UBALD1: variants seen among roughly 807,000 people sequenced by gnomAD.
UBALD1 encodes the protein UBA like domain containing 1, also known as UBA-like domain-containing protein 1.
A neutral mutation model predicts 16.1 loss-of-function variants in UBALD1; 5 were observed. That is an observed-to-expected ratio of 0.31 (90% CI 0.16 to 0.66). UBALD1 has a LOEUF of 0.66. Among genes scored for constraint, UBALD1 ranks in the 30% least tolerant of loss-of-function variants. UBALD1 has a pLI of 0.77. For missense variants in UBALD1, 220 were observed against 252.8 expected, an observed-to-expected ratio of 0.87 and a Z score of 0.88; for synonymous variants, 146 against 105.3, an observed-to-expected ratio of 1.39 and a Z score of -2.37.
chr16:4,613,879 C>G, intron 1 of UBALD1: 1 of 152,380 alleles, frequency 6.6e-6, no homozygotes, highest in East Asian at 1.9e-4. Flanking sequence ...TGCACCCTCC[C>G]CATTGCACCG....
rs770856567 is a variant in UBALD1 at position 4,614,702 on chromosome 16, C to A, written c.96G>T (p.Leu32=). ...GCAADQAKQL[L]QAAHWQFETA... ...CCTCGAACTGCCAGTGGGCCGCCTGCAGCAGTTGCTTCGCCTGGTCGGCCG... is the reference window on the plus strand; with the variant it reads ...CCTCGAACTGCCAGTGGGCCGCCTGAAGCAGTTGCTTCGCCTGGTCGGCCG... The change falls in exon 1 of 3, where the codon CTG becomes CTT. Residue 32 remains leucine (L), a synonymous_variant. Coordinates refer to ENST00000283474, the MANE Select transcript of UBALD1 (RefSeq NM_145253.3). 8 of 1,555,492 alleles carry A rather than the reference C, an allele frequency of 5.1e-6. No homozygotes were observed. The highest frequency in any genetic ancestry group is 6.9e-6 in the Non-Finnish European group (8 of 1,153,610).
At position 4,612,035 on chromosome 16, in the gene UBALD1, CA is replaced by C. The variant is rs1454190873; in HGVS notation, c.121-1481del. On this transcript the variant is annotated intron_variant, in intron 1 of 2. Coordinates refer to ENST00000283474, the MANE Select transcript of UBALD1 (RefSeq NM_145253.3). Reference sequence around the variant, plus strand: ...CTGGCTCCTGGGGCCTGCCCTCGATCAGGGGGTATGGGTGGGAGGCTATTTA... The same window carrying C: ...CTGGCTCCTGGGGCCTGCCCTCGATCGGGGGTATGGGTGGGAGGCTATTTA... 4.0e-5 allele frequency among the ~76,000 whole-genome samples: 6 copies of C among 151,592 alleles called. No individual in the cohort carries two copies. In the East Asian group the frequency reaches 7.8e-4, roughly 20 times the overall value.
chr16:4,610,985 C>T (rs565282648), intron 1 of UBALD1: 8 of 368,678 alleles, frequency 2.2e-5, no homozygotes, highest in South Asian at 2.6e-4. Flanking sequence ...ACCACCTCAA[C>T]GGGTAGCAAG....
intron 1 of UBALD1, chr16:4,611,506 CGGGGCCGT>C (rs1897357590): frequency 6.6e-6 from 1 of 152,552 alleles, no homozygotes; most frequent in East Asian, 1.9e-4. Flanking sequence ...TCCATCCCAG[CGGGGCCGT>C]GGACTGTCAT....
At position 4,609,468 on chromosome 16, in the gene UBALD1, G is replaced by A. The variant is rs1226368191; in HGVS notation, c.*165C>T. ...TGACCTTGCGTGTGGGCAGCTGCGT[G>A]TTCTGGCACCAGACGTGTCCCTGCC... is the stretch of plus-strand genomic sequence containing the variant. On this transcript the variant is annotated 3_prime_UTR_variant, in exon 3 of 3. Coordinates refer to ENST00000283474, the MANE Select transcript of UBALD1 (RefSeq NM_145253.3). 1.5e-5 allele frequency: 6 copies of A among 411,970 alleles called. No individual in the cohort carries two copies. Among genetic ancestry groups the A allele is most frequent in the African/African-American group, 6.2e-5 (3 of 48,728 alleles). 25.5% of individuals were successfully genotyped at this position (411,970 alleles called of 1,614,324 possible). A position where few individuals can be genotyped will look rare whatever the true frequency, so the allele number is the denominator to read the frequency against.
rs111826066 is a variant in UBALD1 at position 4,610,435 on chromosome 16, A to G, written c.183+58T>C. 4.4e-4 allele frequency: 670 copies of G among 1,537,932 alleles called. 5 individuals are homozygous for G. The African/African-American group carries it at 8.2e-3, about 19-fold the overall frequency. The stretch of plus-strand genomic sequence containing the variant: ...CCGGGGCCAGGGGCTGCTTATACAC[A>G]GAACTAGCTCGGCCTCCTTCCGCCC... On this transcript the variant is annotated intron_variant, in intron 2 of 2. Transcript: ENST00000283474.
chr16:4,610,600 C>A (rs1183499276), intron 1 of UBALD1, 45 bp from the exon 2 acceptor site: 1 of 1,581,452 alleles, frequency 6.3e-7, no homozygotes, highest in African/African-American at 1.3e-5. Context: ...CCCCCGCCGG[C>A]CCTGCCGCTG....
chr16:4,610,883 C>T (rs1202122005), intron 1 of UBALD1: 10 of 431,794 alleles, frequency 2.3e-5, no homozygotes, highest in Middle Eastern at 1.2e-3. Flanking sequence ...GCGGGCAGTA[C>T]ACCCCATCCT....
At chr16:4,613,021 G>A (rs1328215837) in intron 1 of UBALD1, among the ~76,000 whole-genome samples, 1 of 124,192 alleles carries the variant, frequency 8.1e-6, no homozygotes, top group Non-Finnish European at 1.9e-5. Context: ...GTGCCAGCTG[G>A]GTGCCAGGTT....
chr16:4,612,753 C>A lies in UBALD1; in HGVS notation c.120+1925G>T, dbSNP rs138746335. On this transcript the variant is annotated intron_variant, in intron 1 of 2. Transcript: ENST00000283474. ...TGGAGCGTGGAGAGGGATGGGGTGG[C>A]CATGTGAACCCCTCACTCAGCCCCA... 2.4e-3 allele frequency among the ~76,000 whole-genome samples: 366 copies of A among 152,180 alleles called. 4 individuals are homozygous for A. The highest frequency in any genetic ancestry group is 8.0e-3 in the African/African-American group (333 of 41,526).
At position 4,609,786 on chromosome 16, in the gene UBALD1, C is replaced by T. The variant is rs1033338381; in HGVS notation, c.381G>A (p.Ala127=). 1.3e-5 allele frequency: 20 copies of T among 1,497,744 alleles called. No individual in the cohort carries two copies. Among genetic ancestry groups the T allele is most frequent in the African/African-American group, 2.9e-5 (2 of 70,126 alleles). The allele number at this position is 1,497,744 out of a possible 1,614,324, so 92.8% of individuals were successfully genotyped here. A position where few individuals can be genotyped will look rare whatever the true frequency, so the allele number is the denominator to read the frequency against. The change falls in exon 3 of 3, where the codon GCG becomes GCA. Residue 127 remains alanine, a synonymous_variant. Transcript: ENST00000283474. The part of the protein sequence containing the change: ...SSSAASSWPT[A]ASPPGGPQHH... ...GCTGTGGGCCCCCCGGGGGCGAGGC[C>T]GCCGTGGGCCAGCTGGAGGCCGCAG...
intron 1 of UBALD1, among the ~76,000 whole-genome samples, chr16:4,613,199 C>A (rs1352936551): frequency 2.0e-5 from 3 of 152,150 alleles, no homozygotes; most frequent in African/African-American, 7.2e-5. Context: ...CTGATGAGGG[C>A]TGTGGAGACC....
chr16:4,613,344 C>T (rs1897381072), intron 1 of UBALD1, among the ~76,000 whole-genome samples: 1 of 152,182 alleles, frequency 6.6e-6, no homozygotes, highest in Non-Finnish European at 1.5e-5. Context: ...AGGGACAGAG[C>T]AGCCTCCCAC....
In UBALD1 at chr16:4,610,287, C is replaced by G. The variant is rs184738529; in HGVS notation, c.183+206G>C. The G allele has an allele frequency of 4.2e-6, 3 of 715,348 alleles. No homozygotes were observed. In the Admixed American group the frequency reaches 6.2e-5, roughly 15 times the overall value. The allele number at this position is 715,348 out of a possible 1,614,324, so 44.3% of individuals were successfully genotyped here. A position where few individuals can be genotyped will look rare whatever the true frequency, so the allele number is the denominator to read the frequency against. ...GGAGCTTCATTGCCCCAGAGGCCAGCGCCCCCCAGGTCTCAGGGGGAGCTG... is the reference window on the plus strand; with the variant it reads ...GGAGCTTCATTGCCCCAGAGGCCAGGGCCCCCCAGGTCTCAGGGGGAGCTG... On this transcript the variant is annotated intron_variant, in intron 2 of 2. Transcript: ENST00000283474.
chr16:4,609,708 T>A lies in UBALD1; in HGVS notation c.459A>T (p.Ser153=). The A allele has an allele frequency of 6.8e-7, 1 of 1,476,458 alleles. No individual in the cohort carries two copies. The highest frequency in any genetic ancestry group is 9.0e-7 in the Non-Finnish European group (1 of 1,115,212). The allele number at this position is 1,476,458 out of a possible 1,614,324, so 91.5% of individuals were successfully genotyped here. Residue 153 remains serine (S), a synonymous_variant, in exon 3 of 3, where the codon TCA becomes TCT. Coordinates refer to ENST00000283474, the MANE Select transcript of UBALD1 (RefSeq NM_145253.3). ...GTTGGGGGGCCAGGGGTGGCCAGTC[T>A]GAAGCCGGAGAAGGGGGTGTTGGAG... ...LWTPTPPSPA[S]DWPPLAPQQA...
At chr16:4,613,552 T>C (rs778418011) in intron 1 of UBALD1, among the ~76,000 whole-genome samples, 3 of 152,116 alleles carry the variant, frequency 2.0e-5, no homozygotes, top group Non-Finnish European at 4.4e-5. Context: ...TAGTCCCTCC[T>C]GCAGGCCCTG....
rs145662727 is a variant in UBALD1, at chr16:4,612,555, G to T, written c.121-2000C>A. On this transcript the variant is annotated intron_variant, in intron 1 of 2. Coordinates refer to ENST00000283474, the MANE Select transcript of UBALD1 (RefSeq NM_145253.3). ...GCTCACTGTGTAAATCCCAACCCCAGGAGCCCCAGGCCACACCAGACCCCC... is the reference window on the plus strand; with the variant it reads ...GCTCACTGTGTAAATCCCAACCCCATGAGCCCCAGGCCACACCAGACCCCC... Among the ~76,000 whole-genome samples, 834 of 152,102 alleles carry T rather than the reference G, an allele frequency of 5.5e-3. 7 individuals carry two copies. The highest frequency in any genetic ancestry group is 0.051 in the Middle Eastern group (15 of 294).
chr16:4,609,372 T>C lies in UBALD1; in HGVS notation c.*261A>G, dbSNP rs1897327872. On this transcript the variant is annotated 3_prime_UTR_variant, in exon 3 of 3. Coordinates refer to ENST00000283474, the MANE Select transcript of UBALD1 (RefSeq NM_145253.3). ...GCGTCTTCGAAGGAAGGCTGCGTGG[T>C]CTCTGAAGTTCTGTCCGCCAGGCAC... is the stretch of plus-strand genomic sequence containing the variant. 2.7e-6 allele frequency: 1 copy of C among 365,592 alleles called. No individual in the cohort carries two copies. The highest frequency in any genetic ancestry group is 4.9e-6 in the Non-Finnish European group (1 of 205,376). The allele number at this position is 365,592 out of a possible 1,614,324, so 22.6% of individuals were successfully genotyped here.
chr16:4,610,210 C>T lies in UBALD1; in HGVS notation c.184-227G>A, dbSNP rs545261662. The T allele has an allele frequency of 3.5e-5, 25 of 711,068 alleles. No individual in the cohort carries two copies. The East Asian group carries it at 4.3e-4, about 12-fold the overall frequency. 44.0% of individuals were successfully genotyped at this position (711,068 alleles called of 1,614,324 possible). On this transcript the variant is annotated intron_variant, in intron 2 of 2. Coordinates refer to ENST00000283474, the MANE Select transcript of UBALD1 (RefSeq NM_145253.3). ...ACGGTGCCTGGGGCCACGAGGCTTT[C>T]CCAGCCCACCCCTTTCCATCAGCCA...
Sources: allele counts gnomAD v4.1 joint callset (sites outside exome capture counted in the v4.1 genomes callset), GRCh38; gene constraint gnomAD v4.1.1; transcripts MANE v1.5; gene names NCBI Gene and HGNC (gene_info 2026-07-23, HGNC 2026-07-21).